Variants in NWD1 observed in about 807,000 individuals in gnomAD.
NWD1 encodes NACHT and WD repeat domain containing 1, also known as NACHT domain- and WD repeat-containing protein 1.
NWD1 carries 129 observed loss-of-function variants against 135.1 expected under a neutral mutation model. The ratio of observed to expected loss-of-function variants is 0.96; its 90% confidence interval spans 0.83 to 1.11. The LOEUF is 1.11. Among genes scored for constraint, NWD1 ranks in the 50% least tolerant of loss-of-function variants. NWD1 has a pLI of 0.00. For synonymous variants in NWD1, 773 were observed against 786.0 expected, an observed-to-expected ratio of 0.98 and a Z score of 0.28; for missense variants, 1,740 against 1,851.3, an observed-to-expected ratio of 0.94 and a Z score of 1.10.
At position 16,731,264 on chromosome 19, in the gene NWD1, G is replaced by A. The variant is rs780075830; in HGVS notation, c.67G>A (p.Gly23Ser). 7.2e-6 allele frequency: 11 copies of A among 1,531,076 alleles called. No individual in the cohort carries two copies. Among genetic ancestry groups the A allele is most frequent in the South Asian group, 6.0e-5 (5 of 83,942 alleles). 94.8% of individuals were successfully genotyped at this position (1,531,076 alleles called of 1,614,324 possible). Residue 23 changes from glycine (G) to serine (S), a missense_variant, in exon 3 of 19, where the codon GGC becomes AGC. Transcript: ENST00000524140. ...LKCQTFCQRH[G>S]LMFEVVDLRW... Reference sequence around the variant, plus strand: ...GTGCCAGACCTTCTGCCAGAGGCACGGCTTGATGTTTGAGGTAACTGGAAG... The same window carrying A: ...GTGCCAGACCTTCTGCCAGAGGCACAGCTTGATGTTTGAGGTAACTGGAAG...
intron 11 of NWD1, 58 bp downstream of exon 11, chr19:16,773,381 G>A (rs1816194787): frequency 1.3e-5 from 19 of 1,479,246 alleles, no homozygotes; most frequent in Admixed American, 1.8e-5. Context: ...TGGGGGCAGT[G>A]AAGGCCAGGT....
intron 18 of NWD1, among the ~76,000 whole-genome samples, chr19:16,809,445 C>T (rs572883827): frequency 6.6e-6 from 1 of 151,944 alleles, no homozygotes; most frequent in Non-Finnish European, 1.5e-5. Context: ...AGAACAAAAT[C>T]TCAACATTAT....
At position 16,791,417 on chromosome 19, in the gene NWD1, G is replaced by T. The variant is rs773973753; in HGVS notation, c.3008G>T (p.Trp1003Leu). The T allele has an allele frequency of 8.1e-6, 13 of 1,613,962 alleles. No individual in the cohort carries two copies. Among genetic ancestry groups the T allele is most frequent in the Non-Finnish European group, 1.1e-5 (13 of 1,179,990 alleles). Residue 1003 changes from tryptophan (W) to leucine (L), a missense_variant, in exon 14 of 19, where the codon TGG becomes TTG. Transcript: ENST00000524140. ...ATCCTGGGAGATGCCTCTGATCCTT[G>T]GATGTGCATGGCCGTGCTGGCCTCC... ...FHILGDASDP[W>L]MCMAVLASQA...
chr19:16,795,047 G>T lies in NWD1; in HGVS notation c.3304+494G>T, dbSNP rs536896122. Among the ~76,000 whole-genome samples the T allele has an allele frequency of 6.6e-5, 10 of 152,340 alleles. No homozygotes were observed. The South Asian group carries it at 1.9e-3, about 28-fold the overall frequency. On this transcript the variant is annotated intron_variant, in intron 15 of 18. Coordinates refer to ENST00000524140, the MANE Select transcript of NWD1 (RefSeq NM_001007525.5). ...TTCGCCCACCTTAGCCTCCCAAAGT[G>T]CTGGGATTACACAGGCGTGAGCCAT...
At chr19:16,813,967 C>T (rs890825973) in intron 18 of NWD1, among the ~76,000 whole-genome samples, 7 of 150,464 alleles carry the variant, frequency 4.7e-5, no homozygotes, top group African/African-American at 1.7e-4. Context: ...GTCTGGACAA[C>T]ATAGCGAGAC....
chr19:16,730,887 G>A (rs1020790625), intron 2 of NWD1, among the ~76,000 whole-genome samples: 6 of 148,228 alleles, frequency 4.0e-5, no homozygotes, highest in African/African-American at 1.2e-4. Context: ...TGCCTATTGC[G>A]ATTTTTTTTA....
At chr19:16,742,196 G>A (rs1220191668) in intron 4 of NWD1, among the ~76,000 whole-genome samples, 2 of 151,900 alleles carry the variant, frequency 1.3e-5, no homozygotes, top group Non-Finnish European at 1.5e-5. Context: ...CCAACATGGC[G>A]AAACCCTGTC....
intron 6 of NWD1, among the ~76,000 whole-genome samples, chr19:16,758,293 T>C (rs1968873225): frequency 6.6e-6 from 1 of 152,238 alleles, no homozygotes; most frequent in Admixed American, 6.5e-5. Context: ...GTATTTATTT[T>C]AGAGACAGGG....
intron 12 of NWD1, among the ~76,000 whole-genome samples, chr19:16,786,615 T>A (rs944516914): frequency 1.3e-5 from 2 of 152,042 alleles, no homozygotes; most frequent in South Asian, 2.1e-4. Context: ...GGTCCAGTCT[T>A]GGCTCACTGC....
At chr19:16,808,233 C>T (rs1375847943) in intron 18 of NWD1, 97 bp downstream of exon 18, 1 of 1,133,032 alleles carries the variant, frequency 8.8e-7, no homozygotes, top group East Asian at 2.4e-5. Flanking sequence ...GGCCATCGAC[C>T]AGGATGGGAC....
intron 14 of NWD1, among the ~76,000 whole-genome samples, chr19:16,792,994 A>G (rs1314810945): frequency 6.6e-6 from 1 of 151,376 alleles, no homozygotes; most frequent in African/African-American, 2.4e-5. Flanking sequence ...GCAGTGAGCC[A>G]AGATTGCACC....
chr19:16,749,939 G>A lies in NWD1; in HGVS notation c.1297G>A (p.Val433Met), dbSNP rs150877756. 1,393 of 1,613,694 alleles carry A rather than the reference G, an allele frequency of 8.6e-4. 10 individuals are homozygous for A. The highest frequency in any genetic ancestry group is 6.1e-3 in the South Asian group (556 of 91,082). The change falls in exon 6 of 19, where the codon GTG becomes ATG. Residue 433 changes from valine to methionine, a missense_variant. Physicochemically the swap from Val to Met is conservative, Grantham distance 21 (BLOSUM62 1). Coordinates refer to ENST00000524140, the MANE Select transcript of NWD1 (RefSeq NM_001007525.5). Reference protein sequence around the residue: ...TVSCRNFESLVLLLDAMDDLD... With the variant: ...TVSCRNFESLMLLLDAMDDLD... ...CTCTTGCAGAAACTTCGAGTCTCTC[G>A]TGCTCCTGCTGGATGCTATGGATGA...
intron 6 of NWD1, among the ~76,000 whole-genome samples, chr19:16,756,307 G>T (rs755648675): frequency 6.6e-6 from 1 of 152,132 alleles, no homozygotes; most frequent in African/African-American, 2.4e-5. Flanking sequence ...TGAAGTGGAA[G>T]TGGATATCAC....
At chr19:16,759,551 G>A in intron 7 of NWD1, 123 bp downstream of exon 7, 2 of 712,516 alleles carry the variant, frequency 2.8e-6, no homozygotes, top group South Asian at 3.4e-5. Flanking sequence ...ATCAAGTCCA[G>A]TTAGAACTCT....
chr19:16,773,096 G>A (rs1483454837), intron 10 of NWD1, 30 bp from the exon 11 acceptor site: 8 of 1,602,682 alleles, frequency 5.0e-6, no homozygotes, highest in Non-Finnish European at 2.6e-6. Context: ...GCTCAATCCA[G>A]GCAACTTAGT....
chr19:16,746,275 G>A (rs376690404), intron 5 of NWD1, among the ~76,000 whole-genome samples: 3 of 151,448 alleles, frequency 2.0e-5, no homozygotes, highest in East Asian at 3.9e-4. Flanking sequence ...TGGGAGGATT[G>A]CGTCAGCCTA....
At chr19:16,808,752 C>T (rs1305550074) in intron 18 of NWD1, among the ~76,000 whole-genome samples, 1 of 151,694 alleles carries the variant, frequency 6.6e-6, no homozygotes, top group Admixed American at 6.6e-5. Context: ...GGATTTCAGG[C>T]ATGACCCACC....
chr19:16,770,200 A>C (rs1969366613), intron 10 of NWD1, among the ~76,000 whole-genome samples: 1 of 152,048 alleles, frequency 6.6e-6, no homozygotes, highest in Non-Finnish European at 1.5e-5. Flanking sequence ...ATCCCCACAC[A>C]TTGAGGGAGG....
At chr19:16,741,155 T>C (rs1271887946) in intron 4 of NWD1, among the ~76,000 whole-genome samples, 1 of 152,036 alleles carries the variant, frequency 6.6e-6, no homozygotes, top group East Asian at 1.9e-4. Flanking sequence ...AGTGAAACTC[T>C]GACTCAAGAA....
Sources: gnomAD v4.1 joint callset for allele counts (sites outside exome capture counted in the v4.1 genomes callset) on GRCh38, gnomAD v4.1.1 for gene constraint, MANE v1.5 for transcripts, NCBI Gene and HGNC (gene_info 2026-07-23, HGNC 2026-07-21) for gene names.